Variants in NUP37 observed in about 807,000 individuals in gnomAD.
NUP37 encodes the protein nucleoporin 37.
Under a neutral mutation model 45.4 loss-of-function variants are expected in NUP37, and 33 were observed. That is an observed-to-expected ratio of 0.73 (90% CI 0.55 to 0.97). The LOEUF is 0.97. Among genes scored for constraint, NUP37 ranks in the 50% least tolerant of loss-of-function variants. NUP37 has a pLI of 0.00. For synonymous variants in NUP37, 127 were observed against 130.7 expected, an observed-to-expected ratio of 0.97 and a Z score of 0.19; for missense variants, 365 against 389.7, an observed-to-expected ratio of 0.94 and a Z score of 0.53.
At chr12:102,110,616 A>G (rs1880287823) in intron 3 of NUP37, among the ~76,000 whole-genome samples, 4 of 150,954 alleles carry the variant, frequency 2.6e-5, no homozygotes, top group Admixed American at 2.0e-4. Context: ...GCCAAGGCAC[A>G]TGGATTGCCT....
In NUP37 at chr12:102,112,194, T is replaced by C. The variant is rs1180193578; in HGVS notation, c.195A>G (p.Thr65=). 1 of 1,613,614 alleles carries C rather than the reference T, an allele frequency of 6.2e-7. No individual in the cohort carries two copies. The highest frequency in any genetic ancestry group is 1.7e-5 in the Admixed American group (1 of 60,000). ...EADVEGIQYK[T]LRTFHHGVRV... ...TGACTCCATGGTGAAATGTTCGAAG[T>C]GTTTTATACTGAATGCCTTCAACGT... The change falls in exon 3 of 10, where the codon ACA becomes ACG. Residue 65 remains threonine (T), a synonymous_variant. Coordinates refer to ENST00000552283, the MANE Select transcript of NUP37 (RefSeq NM_024057.4).
chr12:102,096,712 T>C (rs1879815027), intron 5 of NUP37, among the ~76,000 whole-genome samples: 1 of 152,224 alleles, frequency 6.6e-6, no homozygotes, highest in Non-Finnish European at 1.5e-5. Flanking sequence ...GTAAGAATCT[T>C]ACATTATCAC....
intron 6 of NUP37, chr12:102,079,216 T>A (rs1276613744): frequency 2.2e-6 from 1 of 455,898 alleles, no homozygotes; most frequent in Non-Finnish European, 4.4e-6. Context: ...ATCTTTCATA[T>A]CTGTAAAATG....
At chr12:102,105,251 G>C (rs1289177969) in intron 3 of NUP37, among the ~76,000 whole-genome samples, 2 of 152,096 alleles carry the variant, frequency 1.3e-5, no homozygotes. Flanking sequence ...ATGGCCGGGT[G>C]CAATGGCTCA....
rs1308581957 is a variant in NUP37 at position 102,091,330 on chromosome 12, G to A, written c.450-5474C>T. Among the ~76,000 whole-genome samples, 17 of 149,556 alleles carry A rather than the reference G, an allele frequency of 1.1e-4. No individual in the cohort carries two copies. The East Asian group carries it at 2.5e-3, about 22-fold the overall frequency. ...GGAGAACTGCTTGAATCTGGGAGGC[G>A]GAGGTTGCAGTGAGCTGAGATTTTG... On this transcript the variant is annotated intron_variant, in intron 5 of 9. Transcript: ENST00000552283.
chr12:102,106,360 T>A (rs1194516749), intron 3 of NUP37, among the ~76,000 whole-genome samples: 2 of 152,234 alleles, frequency 1.3e-5, no homozygotes, highest in Non-Finnish European at 2.9e-5. Context: ...TTAACAGATG[T>A]TGAGTATCAA....
At chr12:102,119,832 C>G (rs768140901) in intron 1 of NUP37, among the ~76,000 whole-genome samples, 1 of 152,098 alleles carries the variant, frequency 6.6e-6, no homozygotes, top group African/African-American at 2.4e-5. Flanking sequence ...AGGACTTGCC[C>G]CTGTAAAACT....
intron 3 of NUP37, among the ~76,000 whole-genome samples, chr12:102,110,962 T>TGTTTA (rs1880297242): frequency 6.6e-6 from 1 of 152,214 alleles, no homozygotes; most frequent in Admixed American, 6.5e-5. Context: ...AACATACATC[T>TGTTTA]ACCCTGTGAC....
intron 2 of NUP37, among the ~76,000 whole-genome samples, chr12:102,115,172 T>C (rs1221307780): frequency 6.6e-6 from 1 of 152,242 alleles, no homozygotes; most frequent in Non-Finnish European, 1.5e-5. Context: ...AAATACATTA[T>C]CTTCTCTGAA....
rs572763363 is a variant in NUP37 at position 102,082,625 on chromosome 12, G to A, written c.540+3141C>T. ...TAACTTGTCAGAGATCACACAGCTA[G>A]TAAGTGGTGAAACTGGGATCTGACT... On this transcript the variant is annotated intron_variant, in intron 6 of 9. Coordinates refer to ENST00000552283, the MANE Select transcript of NUP37 (RefSeq NM_024057.4). Among the ~76,000 whole-genome samples, 357 of 152,320 alleles carry A rather than the reference G, an allele frequency of 2.3e-3. 1 individual carries two copies. Among genetic ancestry groups the A allele is most frequent in the African/African-American group, 8.5e-3 (352 of 41,570 alleles).
At chr12:102,101,206 A>G (rs1189251886) in intron 3 of NUP37, 102 bp from the exon 4 acceptor site, 7 of 572,730 alleles carry the variant, frequency 1.2e-5, no homozygotes, top group Non-Finnish European at 1.9e-5. Flanking sequence ...AGCTTTTATC[A>G]TAACTCATAA....
At chr12:102,077,295 T>C (rs1879199408) in intron 7 of NUP37, 27 bp downstream of exon 7, 1 of 1,611,264 alleles carries the variant, frequency 6.2e-7, no homozygotes, top group African/African-American at 1.3e-5. Flanking sequence ...TTTTGGTGTG[T>C]AATAGACAAA....
At chr12:102,078,974 G>A (rs564546202) in intron 6 of NUP37, 2 of 203,204 alleles carry the variant, frequency 9.8e-6, no homozygotes, top group Admixed American at 5.7e-5. Context: ...TAAGGTATGA[G>A]ATTGCTACGA....
chr12:102,087,885 T>C (rs928028859), intron 5 of NUP37, among the ~76,000 whole-genome samples: 1 of 152,188 alleles, frequency 6.6e-6, no homozygotes, highest in Admixed American at 6.5e-5. Flanking sequence ...AAATAAAAAC[T>C]GGTCAGTTAA....
intron 3 of NUP37, among the ~76,000 whole-genome samples, chr12:102,111,167 A>T (rs1271448584): frequency 6.6e-6 from 1 of 152,234 alleles, no homozygotes; most frequent in East Asian, 1.9e-4. Flanking sequence ...GAAAAATTGC[A>T]AAAACAAGCC....
At chr12:102,114,773 C>T (rs1342745929) in intron 2 of NUP37, among the ~76,000 whole-genome samples, 1 of 149,688 alleles carries the variant, frequency 6.7e-6, no homozygotes, top group Non-Finnish European at 1.5e-5. Context: ...AGAGTTTACA[C>T]AACCCCTCTC....
chr12:102,081,492 G>A (rs922982848), intron 6 of NUP37, among the ~76,000 whole-genome samples: 2 of 152,050 alleles, frequency 1.3e-5, no homozygotes, highest in Non-Finnish European at 2.9e-5. Flanking sequence ...GAACATTGTC[G>A]TATTTGAACC....
chr12:102,095,907 TA>T (rs1466755294), intron 5 of NUP37, among the ~76,000 whole-genome samples: 1 of 152,120 alleles, frequency 6.6e-6, no homozygotes, highest in Non-Finnish European at 1.5e-5. Context: ...ACACAACTCA[TA>T]AATCTCTACA....
chr12:102,092,518 C>T (rs889482906), intron 5 of NUP37, among the ~76,000 whole-genome samples: 3 of 152,088 alleles, frequency 2.0e-5, no homozygotes, highest in African/African-American at 7.2e-5. Context: ...TCTCTTAGTT[C>T]CAATTAATCA....
Sources: allele counts gnomAD v4.1 joint callset (sites outside exome capture counted in the v4.1 genomes callset), GRCh38; gene constraint gnomAD v4.1.1; transcripts MANE v1.5; gene names NCBI Gene and HGNC (gene_info 2026-07-23, HGNC 2026-07-21).